ATP8A2: variants seen among roughly 807,000 people sequenced by gnomAD.
ATP8A2 encodes the protein phospholipid-transporting ATPase IB.
Under a neutral mutation model 165.6 loss-of-function variants are expected in ATP8A2, and 100 were observed. The ratio of observed to expected loss-of-function variants is 0.60; its 90% CI spans 0.51 to 0.71. The LOEUF (loss-of-function observed/expected upper bound fraction) is 0.71, where lower values mean the gene tolerates loss of function less well. Ranked by LOEUF, ATP8A2 falls within the 30% of genes least tolerant of loss-of-function variation. The probability of loss-of-function intolerance (pLI) is 0.00; values close to 1 mark genes in which losing one functional copy is unlikely to be tolerated. For synonymous variants in ATP8A2, 543 were observed against 548.8 expected (o/e 0.99, Z 0.15); for missense variants, 1,227 against 1,479.5 (o/e 0.83, Z 2.80).
chr13:25,467,482 A>AAGAG (rs2035700819), intron 1 of ATP8A2, among the ~76,000 whole-genome samples: 1 of 152,222 alleles, frequency 6.6e-6, no homozygotes, highest in African/African-American at 2.4e-5. Context: ...CTTTCTCTTT[A>AAGAG]AAAGTGTTTC....
intron 2 of ATP8A2, among the ~76,000 whole-genome samples, chr13:25,505,580 C>T (rs1407183833): frequency 6.6e-6 from 1 of 152,066 alleles, no homozygotes; most frequent in African/African-American, 2.4e-5. Context: ...TGTATCTGAC[C>T]TAGAGACTCT....
At chr13:25,386,928 C>T (rs1051723190) in intron 1 of ATP8A2, among the ~76,000 whole-genome samples, 41 of 147,484 alleles carry the variant, frequency 2.8e-4, no homozygotes, top group Non-Finnish European at 5.3e-4. Flanking sequence ...ACCCGGGAGG[C>T]GGAGCTTGCA....
intron 6 of ATP8A2, among the ~76,000 whole-genome samples, chr13:25,535,137 A>G (rs1454154253): frequency 6.6e-6 from 1 of 152,088 alleles, no homozygotes; most frequent in Non-Finnish European, 1.5e-5. Flanking sequence ...TGAAGGGTGA[A>G]TCAGGGGTAA....
intron 13 of ATP8A2, among the ~76,000 whole-genome samples, chr13:25,557,631 T>C (rs993294568): frequency 6.6e-6 from 1 of 152,190 alleles, no homozygotes; most frequent in Non-Finnish European, 1.5e-5. Context: ...GGCGTGGGTG[T>C]GCCCTATACA....
chr13:25,818,729 T>C (rs1566170452), intron 27 of ATP8A2, among the ~76,000 whole-genome samples: 1 of 152,216 alleles, frequency 6.6e-6, no homozygotes, highest in Non-Finnish European at 1.5e-5. Flanking sequence ...TTAGTGAGCT[T>C]TTCTCTTTAA....
rs1423630946 is a variant in ATP8A2, at chr13:25,953,795, T to C, written c.3184-7780T>C. 2.0e-5 allele frequency among the ~76,000 whole-genome samples: 3 copies of C among 152,118 alleles called. No homozygotes were observed. Among genetic ancestry groups the C allele is most frequent in the Non-Finnish European group, 4.4e-5 (3 of 68,026 alleles). Reference sequence around the variant, plus strand: ...AGCCGAGGGAAGCCGTGAGGGACTGTGCTGTAAGGAACCATGCATTCCGTC... The same window carrying C: ...AGCCGAGGGAAGCCGTGAGGGACTGCGCTGTAAGGAACCATGCATTCCGTC... On this transcript the variant is annotated intron_variant, in intron 33 of 36. Transcript: ENST00000381655. The surrounding 1 kb of genome is among the most constrained non-coding windows in gnomAD (Gnocchi z 6.7).
chr13:25,498,029 G>T (rs932956705), intron 2 of ATP8A2, among the ~76,000 whole-genome samples: 8 of 152,042 alleles, frequency 5.3e-5, no homozygotes, highest in Admixed American at 1.3e-4. Context: ...TATAATTGTT[G>T]CCTGTTTCAC....
rs1452358585 is a variant in ATP8A2 at position 25,558,967 on chromosome 13, G to A, written c.1264-6G>A. ...TGATGTATATTTCTTTTATTCTTTG[G>A]TTTAGGTGAAATATCTCTTTTCTGA... On this transcript the variant is annotated splice_polypyrimidine_tract_variant and splice_region_variant and intron_variant, in intron 13 of 36. Transcript: ENST00000381655. 6.3e-7 allele frequency: 1 copy of A among 1,584,040 alleles called. No homozygotes were observed. The highest frequency in any genetic ancestry group is 1.7e-5 in the Admixed American group (1 of 57,720).
chr13:25,552,234 G>A (rs1462274432), intron 11 of ATP8A2, among the ~76,000 whole-genome samples: 3 of 152,076 alleles, frequency 2.0e-5, no homozygotes, highest in Non-Finnish European at 2.9e-5. Flanking sequence ...CAATCTACCC[G>A]CCTCGGCCTC....
chr13:25,720,545 G>A (rs973332053), intron 25 of ATP8A2, among the ~76,000 whole-genome samples: 1 of 152,126 alleles, frequency 6.6e-6, no homozygotes, highest in Non-Finnish European at 1.5e-5. Context: ...ATGGACCTTG[G>A]GATCTCCGTG....
In ATP8A2 at chr13:25,578,892, C is replaced by T. The variant is rs763183382; in HGVS notation, c.1860C>T (p.Ala620=). The change falls in exon 21 of 37, where the codon GCC becomes GCT. Residue 620 remains alanine, a synonymous_variant. Transcript: ENST00000381655. ...CATTATGCCATCTGGAATACTTTGC[C>T]ACGGAAGGTAAGTGGAATTTGGAAA... ...EETLCHLEYF[A]TEGLRTLCVA... is the part of the protein sequence containing the mutation. The T allele has an allele frequency of 1.2e-6, 2 of 1,606,786 alleles. No homozygotes were observed. The highest frequency in any genetic ancestry group is 2.2e-5 in the South Asian group (2 of 90,908).
chr13:25,424,272 A>G (rs2034380913), intron 1 of ATP8A2, among the ~76,000 whole-genome samples: 1 of 152,194 alleles, frequency 6.6e-6, no homozygotes, highest in Admixed American at 6.5e-5. Flanking sequence ...GTTTCCACTC[A>G]CCTGCTTGGC....
chr13:25,771,910 G>C (rs917709452), intron 26 of ATP8A2, among the ~76,000 whole-genome samples: 3 of 152,048 alleles, frequency 2.0e-5, no homozygotes, highest in African/African-American at 7.3e-5. Flanking sequence ...TTATCGCCTT[G>C]GGCTTTATCT....
chr13:26,012,637 C>A lies in ATP8A2; in HGVS notation c.3469+15C>A. 26 of 1,429,516 alleles carry A rather than the reference C, an allele frequency of 1.8e-5. No homozygotes were observed. Among genetic ancestry groups the A allele is most frequent in the Non-Finnish European group, 2.3e-5 (25 of 1,086,870 alleles). The allele number at this position is 1,429,516 out of a possible 1,614,324, so 88.6% of individuals were successfully genotyped here. A position where few individuals can be genotyped will look rare whatever the true frequency, so the allele number is the denominator to read the frequency against. ...GGGCGTCCCGCGTGAGTACCGCGGG[C>A]GGGGGCTGATGGAGGAGTGGGTGTC... On this transcript the variant is annotated intron_variant, in intron 36 of 36. Transcript: ENST00000381655.
chr13:25,500,161 A>G (rs1415272161), intron 2 of ATP8A2, among the ~76,000 whole-genome samples: 1 of 152,158 alleles, frequency 6.6e-6, no homozygotes, highest in African/African-American at 2.4e-5. Context: ...GAAGTATGAT[A>G]CAGATCACTA....
rs751335642 is a variant in ATP8A2, at chr13:25,551,325, T to C, written c.892-13T>C. On this transcript the variant is annotated splice_polypyrimidine_tract_variant and intron_variant, in intron 10 of 36. Transcript: ENST00000381655. ...TTCTGTGACCCTTACTGACTTTCAA[T>C]GCTGTTGTGTAGAATTCAACCAAAG... The C allele has an allele frequency of 3.1e-6, 5 of 1,609,278 alleles. No homozygotes were observed. The highest frequency in any genetic ancestry group is 3.3e-5 in the Admixed American group (2 of 59,900).
At chr13:25,958,157 A>G (rs1955571576) in intron 33 of ATP8A2, among the ~76,000 whole-genome samples, 1 of 152,024 alleles carries the variant, frequency 6.6e-6, no homozygotes, top group African/African-American at 2.4e-5. Context: ...GGGGAAGGAT[A>G]GCATTAGGAG....
rs2044894164 is a variant in ATP8A2 at position 25,782,090 on chromosome 13, A to G, written c.2679+7131A>G. ...CATCCAGTGACTTTTCCCCTCTTGC[A>G]TATAATGCATGACTTAACTATACCT... is the stretch of plus-strand genomic sequence containing the variant. On this transcript the variant is annotated intron_variant, in intron 27 of 36. Transcript: ENST00000381655. 2.0e-5 allele frequency among the ~76,000 whole-genome samples: 3 copies of G among 152,358 alleles called. No homozygotes were observed. In the South Asian group the frequency reaches 6.2e-4, roughly 32 times the overall value.
intron 25 of ATP8A2, among the ~76,000 whole-genome samples, chr13:25,768,132 T>C (rs1007004042): frequency 6.6e-6 from 1 of 151,964 alleles, no homozygotes; most frequent in Non-Finnish European, 1.5e-5. Context: ...AGCTTACCTG[T>C]AAATCCCGCA....
Sources: allele counts gnomAD v4.1 joint callset (sites outside exome capture counted in the v4.1 genomes callset), GRCh38; gene constraint gnomAD v4.1.1; non-coding constraint Gnocchi (gnomAD v3.1); transcripts MANE v1.5; gene names NCBI Gene and HGNC (gene_info 2026-07-23, HGNC 2026-07-21).